The following BZW2 variants were observed in gnomAD, a reference collection of about 807,000 sequenced individuals.
BZW2 encodes eIF5-mimic protein 1.
In BZW2, 23 loss-of-function variants were observed where a neutral mutation model predicts 53.2. That is an observed-to-expected ratio of 0.43 (90% CI 0.31 to 0.61). The LOEUF is 0.61. Ranked by LOEUF, BZW2 falls within the 20% of genes least tolerant of loss-of-function variation. The pLI is 0.09. For missense variants in BZW2, 409 were observed against 503.1 expected (o/e 0.81, Z 1.79); for synonymous variants, 227 against 186.4 (o/e 1.22, Z -1.77).
intron 2 of BZW2, among the ~76,000 whole-genome samples, chr7:16,665,733 C>G (rs1782403736): frequency 6.6e-6 from 1 of 152,142 alleles, no homozygotes; most frequent in African/African-American, 2.4e-5. Context: ...GGATAGATAT[C>G]TCTGTTCAGG....
In BZW2 at chr7:16,694,919, TC is replaced by T. The variant is rs1263239921; in HGVS notation, c.739del (p.Arg247GlufsTer37). The T allele has an allele frequency of 6.3e-7, 1 of 1,597,376 alleles. No individual in the cohort carries two copies. The highest frequency in any genetic ancestry group is 2.2e-5 in the East Asian group (1 of 44,648). On this transcript the variant is annotated frameshift_variant, in exon 8 of 12. Coordinates refer to ENST00000258761, the MANE Select transcript of BZW2 (RefSeq NM_014038.3). LOFTEE classifies it high-confidence loss of function. Reference protein sequence around the residue: ...DAGLKELSDFLRVQQSLGTRK... With the variant: ...DAGLKELSDFXRVQQSLGTRK... ...GGTCTTAAGGAGCTTTCCGACTTCC[TC>T]CGAGTCCAGCAGTCCCTGGGCACCA...
intron 1 of BZW2, among the ~76,000 whole-genome samples, chr7:16,648,027 G>A (rs1440076092): frequency 1.3e-5 from 2 of 152,148 alleles, no homozygotes; most frequent in African/African-American, 4.8e-5. Context: ...AGTGAATTTA[G>A]AGACAATAAC....
At chr7:16,693,338 G>A (rs1783377409) in intron 7 of BZW2, among the ~76,000 whole-genome samples, 1 of 152,182 alleles carries the variant, frequency 6.6e-6, no homozygotes, top group Non-Finnish European at 1.5e-5. Flanking sequence ...GATTTTCAAT[G>A]TATTATATAC....
chr7:16,648,497 G>C (rs771304165), intron 1 of BZW2, among the ~76,000 whole-genome samples: 3 of 152,194 alleles, frequency 2.0e-5, no homozygotes, highest in Non-Finnish European at 4.4e-5. Flanking sequence ...CCACTCTAGA[G>C]CTATTGCAAT....
At chr7:16,676,210 TATACTGGATGATTCTAA>T (rs1415306202) in intron 3 of BZW2, among the ~76,000 whole-genome samples, 2 of 152,204 alleles carry the variant, frequency 1.3e-5, no homozygotes, top group East Asian at 3.8e-4. Flanking sequence ...CCATCAGTGT[TATACTGGATGATTCTAA>T]AAAGAATTAA....
chr7:16,653,861 G>C (rs933412037), intron 1 of BZW2, among the ~76,000 whole-genome samples: 1 of 152,062 alleles, frequency 6.6e-6, no homozygotes, highest in African/African-American at 2.4e-5. Context: ...CTACCCTTCT[G>C]TACTGTGTTG....
chr7:16,700,634 C>T (rs1783636366), intron 10 of BZW2: 1 of 152,160 alleles, frequency 6.6e-6, no homozygotes, highest in Admixed American at 6.5e-5. Context: ...GATGCTCTGA[C>T]TGTTGTACCA....
chr7:16,655,685 T>A (rs1438235728), intron 1 of BZW2, among the ~76,000 whole-genome samples: 1 of 152,164 alleles, frequency 6.6e-6, no homozygotes, highest in African/African-American at 2.4e-5. Flanking sequence ...ACTCCTATTC[T>A]CCTGTCTCCA....
chr7:16,704,626 C>A lies in BZW2; in HGVS notation c.1188C>A (p.Asp396Glu). 1 of 1,592,030 alleles carries A rather than the reference C, an allele frequency of 6.3e-7. No homozygotes were observed. The highest frequency in any genetic ancestry group is 8.6e-7 in the Non-Finnish European group (1 of 1,163,464). ...CTAAAGGCAAAAGTGTTTTTCTTGA[C>A]CAGATGAAGAAATTTGTTGAGTGGT... ...HVAKGKSVFL[D>E]QMKKFVEWLQ... Residue 396 changes from aspartate to glutamate, a missense_variant, in exon 11 of 12, where the codon GAC becomes GAA. This residue lies in a region of BZW2 where 88 missense variants were observed against 114.6 expected (regional missense o/e 0.77). Coordinates refer to ENST00000258761, the MANE Select transcript of BZW2 (RefSeq NM_014038.3).
chr7:16,691,467 T>C (rs1389862661), intron 7 of BZW2, among the ~76,000 whole-genome samples: 1 of 152,244 alleles, frequency 6.6e-6, no homozygotes, highest in Non-Finnish European at 1.5e-5. Context: ...TAGTTCCACA[T>C]GCCTTTTCAT....
chr7:16,694,069 T>G (rs1474203965), intron 7 of BZW2, among the ~76,000 whole-genome samples: 1 of 152,150 alleles, frequency 6.6e-6, no homozygotes, highest in Non-Finnish European at 1.5e-5. Flanking sequence ...TCATCTTAAT[T>G]TCATAGATGG....
rs114291907 is a variant in BZW2 at position 16,682,473 on chromosome 7, G to T, written c.340-307G>T. 3.2e-3 allele frequency among the ~76,000 whole-genome samples: 483 copies of T among 151,974 alleles called. 1 individual carries two copies. Among genetic ancestry groups the T allele is most frequent in the African/African-American group, 0.011 (453 of 41,452 alleles). On this transcript the variant is annotated intron_variant, in intron 4 of 11. Transcript: ENST00000258761. ...TTATATCTTTAACACCTTCATTTCC[G>T]TGATTTTTAGTCTCTGCATCTCACA...
chr7:16,663,552 A>T (rs765491836), intron 1 of BZW2, among the ~76,000 whole-genome samples: 1 of 152,150 alleles, frequency 6.6e-6, no homozygotes, highest in Admixed American at 6.5e-5. Flanking sequence ...TTTTATGTGT[A>T]AGAAGGAAAA....
chr7:16,700,583 G>T (rs1783635088), intron 10 of BZW2, among the ~76,000 whole-genome samples: 1 of 152,134 alleles, frequency 6.6e-6, no homozygotes, highest in Non-Finnish European at 1.5e-5. Context: ...GTAGGGCCAG[G>T]GTTGGGCCTG....
chr7:16,691,665 A>G (rs1783311523), intron 7 of BZW2, among the ~76,000 whole-genome samples: 1 of 152,224 alleles, frequency 6.6e-6, no homozygotes, highest in Non-Finnish European at 1.5e-5. Flanking sequence ...CTGCAGATAG[A>G]CATAGCAAGG....
chr7:16,652,456 A>G (rs1217790132), intron 1 of BZW2, among the ~76,000 whole-genome samples: 2 of 152,130 alleles, frequency 1.3e-5, no homozygotes, highest in Non-Finnish European at 1.5e-5. Flanking sequence ...CTGCATCCCT[A>G]TTGACTAGTA....
At chr7:16,647,960 T>C (rs1235358826) in intron 1 of BZW2, among the ~76,000 whole-genome samples, 1 of 152,242 alleles carries the variant, frequency 6.6e-6, no homozygotes, top group Non-Finnish European at 1.5e-5. Flanking sequence ...TTACTATCTA[T>C]TTTCTTGATG....
At chr7:16,704,741 C>T (rs1783779926) in intron 11 of BZW2, 72 bp downstream of exon 11, 22 of 1,354,944 alleles carry the variant, frequency 1.6e-5, no homozygotes, top group Non-Finnish European at 2.1e-5. Flanking sequence ...TTTACCTCTT[C>T]CACAGATTTT....
In BZW2 at chr7:16,646,197, C is replaced by T. The variant is rs1319946430; in HGVS notation, c.-99C>T. 5.9e-6 allele frequency: 2 copies of T among 339,074 alleles called. No homozygotes were observed. The highest frequency in any genetic ancestry group is 6.0e-6 in the Non-Finnish European group (1 of 167,468). 21.0% of individuals were successfully genotyped at this position (339,074 alleles called of 1,614,324 possible). A position where few individuals can be genotyped will look rare whatever the true frequency, so the allele number is the denominator to read the frequency against. On this transcript the variant is annotated 5_prime_UTR_variant, in exon 1 of 12. Coordinates refer to ENST00000258761, the MANE Select transcript of BZW2 (RefSeq NM_014038.3). ...CTGTCCTTCACTCCTCCATTGTCTG[C>T]CGCCACTGCTGCTGCTGCTGCTGCT...
Sources: gnomAD v4.1 joint callset for allele counts (sites outside exome capture counted in the v4.1 genomes callset) on GRCh38, gnomAD v4.1.1 for gene constraint, gnomAD v4.1.1 regional missense constraint, MANE v1.5 for transcripts, NCBI Gene and HGNC (gene_info 2026-07-23, HGNC 2026-07-21) for gene names.